The following NECAP2 variants were observed in gnomAD, a reference collection of about 807,000 sequenced individuals.
The protein encoded by NECAP2 is adaptin ear-binding coat-associated protein 2.
In NECAP2, 38 loss-of-function variants were observed where a neutral mutation model predicts 37.8. The ratio of observed to expected loss-of-function variants is 1.01; its 90% CI spans 0.78 to 1.32. NECAP2 has a LOEUF of 1.32. Ranked by LOEUF, NECAP2 falls within the 40% of genes most tolerant of loss-of-function variation. The pLI is 0.00. For synonymous variants in NECAP2, 121 were observed against 127.7 expected, an observed-to-expected ratio of 0.95 and a Z score of 0.35; for missense variants, 316 against 334.5, an observed-to-expected ratio of 0.94 and a Z score of 0.43.
intron 2 of NECAP2, among the ~76,000 whole-genome samples, chr1:16,446,042 C>G (rs975703242): frequency 1.3e-5 from 2 of 151,408 alleles, no homozygotes; most frequent in Non-Finnish European, 2.9e-5. Context: ...AACCTTGCCT[C>G]TACTAAAAAT....
At chr1:16,449,425 G>T (rs1230779039) in intron 5 of NECAP2, 1 of 507,154 alleles carries the variant, frequency 2.0e-6, no homozygotes, top group Non-Finnish European at 3.5e-6. Flanking sequence ...AACATGGCAG[G>T]AAAGGTTCCA....
chr1:16,452,774 C>CT (rs976404841), intron 6 of NECAP2, among the ~76,000 whole-genome samples: 1 of 152,034 alleles, frequency 6.6e-6, no homozygotes, highest in African/African-American at 2.4e-5. Flanking sequence ...CGCGCCCCCC[C>CT]CGCCCGCCGC....
At chr1:16,457,899 C>T (rs779584526) in intron 7 of NECAP2, among the ~76,000 whole-genome samples, 51 of 151,674 alleles carry the variant, frequency 3.4e-4, no homozygotes, top group Non-Finnish European at 5.9e-4. Context: ...TTAGTAGAGG[C>T]GGGGTTTTGC....
rs2086970723 is a variant in NECAP2 at position 16,458,972 on chromosome 1, C to T, written c.*82C>T. 1.2e-6 allele frequency: 2 copies of T among 1,610,730 alleles called. No homozygotes were observed. Among genetic ancestry groups the T allele is most frequent in the Admixed American group, 1.7e-5 (1 of 59,238 alleles). On this transcript the variant is annotated 3_prime_UTR_variant, in exon 8 of 8. Coordinates refer to ENST00000337132, the MANE Select transcript of NECAP2 (RefSeq NM_018090.5). ...AAAGGAAGGAGGACGAAGCCCTCCT[C>T]AGCTGGCCTGTGTTTGGGGCATGAA...
rs1447117175 is a variant in NECAP2 at position 16,459,631 on chromosome 1, C to T, written c.*741C>T. 6.6e-6 allele frequency: 1 copy of T among 152,244 alleles called. No individual in the cohort carries two copies. The highest frequency in any genetic ancestry group is 2.4e-5 in the African/African-American group (1 of 41,426). 9.4% of individuals were successfully genotyped at this position (152,244 alleles called of 1,614,324 possible). A position where few individuals can be genotyped will look rare whatever the true frequency, so the allele number is the denominator to read the frequency against. ...TGTCTGGTTTCCATGTATTCTAGGCCAGGTAGGCAACACAGAGCCAAGGCG... is the reference window on the plus strand; with the variant it reads ...TGTCTGGTTTCCATGTATTCTAGGCTAGGTAGGCAACACAGAGCCAAGGCG... On this transcript the variant is annotated 3_prime_UTR_variant, in exon 8 of 8. Coordinates refer to ENST00000337132, the MANE Select transcript of NECAP2 (RefSeq NM_018090.5).
At chr1:16,441,060 G>A (rs901436022) in intron 1 of NECAP2, 3 of 576,778 alleles carry the variant, frequency 5.2e-6, no homozygotes, top group Non-Finnish European at 9.3e-6. Flanking sequence ...ACTCCTGGCG[G>A]CGGGGAGGGC....
chr1:16,441,311 G>A (rs1231172061), intron 1 of NECAP2: 2 of 164,790 alleles, frequency 1.2e-5, no homozygotes, highest in African/African-American at 4.8e-5. Context: ...GACGGTCGAA[G>A]CCCAGGGACC....
chr1:16,447,264 T>C (rs1008560127), intron 2 of NECAP2, among the ~76,000 whole-genome samples: 3 of 151,244 alleles, frequency 2.0e-5, no homozygotes, highest in African/African-American at 7.3e-5. Flanking sequence ...TTTTATGTTG[T>C]GCCGCACTGT....
rs1270741375 is a variant in NECAP2, at chr1:16,460,010, C to A, written c.*1120C>A. On this transcript the variant is annotated 3_prime_UTR_variant, in exon 8 of 8. Transcript: ENST00000337132. ...TTCTTTGAAAGGTCAAGACCGTGAACTGAAAAAAGTGTTGGCCTTTTTGCG... is the reference window on the plus strand; with the variant it reads ...TTCTTTGAAAGGTCAAGACCGTGAAATGAAAAAAGTGTTGGCCTTTTTGCG... 7 of 152,160 alleles carry A rather than the reference C, an allele frequency of 4.6e-5. No homozygotes were observed. Among genetic ancestry groups the A allele is most frequent in the Admixed American group, 2.6e-4 (4 of 15,276 alleles). 9.4% of individuals were successfully genotyped at this position (152,160 alleles called of 1,614,324 possible).
At position 16,449,137 on chromosome 1, in the gene NECAP2, C is replaced by G. The variant is rs77196843; in HGVS notation, c.425C>G (p.Pro142Arg). ...GAATTTGCAAAACAAGCCCAGAACC[C>G]AGACCAAGGCCCTAAACTGGACCTG... The part of the protein sequence containing the change: ...QCEFAKQAQN[P>R]DQGPKLDLGF... The change falls in exon 5 of 8, where the codon CCA becomes CGA. Residue 142 changes from proline (P) to arginine (R), a missense_variant. By Grantham distance (103) the Pro-to-Arg change is moderately radical. This residue lies in a region of NECAP2 where 204 missense variants were observed against 188.6 expected (regional missense o/e 1.08). Coordinates refer to ENST00000337132, the MANE Select transcript of NECAP2 (RefSeq NM_018090.5). 3.4e-4 allele frequency: 548 copies of G among 1,613,600 alleles called. 1 individual carries two copies. The African/African-American group carries it at 6.3e-3, about 18-fold the overall frequency.
At chr1:16,458,735 G>A (rs2086965879) in intron 7 of NECAP2, 107 bp from the exon 8 acceptor site, 1 of 1,136,740 alleles carries the variant, frequency 8.8e-7, no homozygotes, top group Non-Finnish European at 1.3e-6. Context: ...GAACATTTAG[G>A]AACTGGCTTC....
At chr1:16,447,348 T>C (rs970957458) in intron 2 of NECAP2, among the ~76,000 whole-genome samples, 1 of 152,160 alleles carries the variant, frequency 6.6e-6, no homozygotes, top group Admixed American at 6.6e-5. Context: ...CTGTCTCAGA[T>C]TGAATTAAAT....
intron 2 of NECAP2, 80 bp downstream of exon 2, chr1:16,443,812 C>A: frequency 8.8e-7 from 1 of 1,130,996 alleles, no homozygotes; most frequent in Non-Finnish European, 1.3e-6. Context: ...TCTGGCCAGG[C>A]TGCTCAGGGG....
Position 16,440,811 on chromosome 1 carries a change from A to T in NECAP2, c.50A>T (p.His17Leu). ...ESVLCVKPDV[H>L]VYRIPPRATN... Reference sequence around the variant, plus strand: ...GTGCTCTGTGTCAAGCCTGACGTCCACGTCTACCGCATCCCTCCGCGGGCT... The same window carrying T: ...GTGCTCTGTGTCAAGCCTGACGTCCTCGTCTACCGCATCCCTCCGCGGGCT... Residue 17 changes from histidine (H) to leucine (L), a missense_variant, in exon 1 of 8, where the codon CAC becomes CTC. Coordinates refer to ENST00000337132, the MANE Select transcript of NECAP2 (RefSeq NM_018090.5). The T allele has an allele frequency of 6.2e-7, 1 of 1,614,200 alleles. No individual in the cohort carries two copies.
Position 16,451,915 on chromosome 1 carries a change from C to T in NECAP2, c.567C>T (p.Pro189=), listed in dbSNP as rs756497381. ...PASTGGLSLL[P]PPPGGKTSTL... is the part of the protein sequence containing the mutation. ...GCACAGGAGGGCTGAGCCTGCTTCC[C>T]CCTCCCCCAGGGGGGAAAACCTCCA... The change falls in exon 6 of 8, where the codon CCC becomes CCT. Residue 189 remains proline, a synonymous_variant. Transcript: ENST00000337132. 6.2e-7 allele frequency: 1 copy of T among 1,614,038 alleles called. No homozygotes were observed. Among genetic ancestry groups the T allele is most frequent in the South Asian group, 1.1e-5 (1 of 91,084 alleles).
Position 16,459,249 on chromosome 1 carries a change from G to C in NECAP2, c.*359G>C. ...AGGTTGAGTTTGCTGCCAGGATTCAGATCAGCCCTTCCCAGGGTCTGCAGG... is the reference window on the plus strand; with the variant it reads ...AGGTTGAGTTTGCTGCCAGGATTCACATCAGCCCTTCCCAGGGTCTGCAGG... On this transcript the variant is annotated 3_prime_UTR_variant, in exon 8 of 8. Coordinates refer to ENST00000337132, the MANE Select transcript of NECAP2 (RefSeq NM_018090.5). 1 of 300,818 alleles carries C rather than the reference G, an allele frequency of 3.3e-6. No individual in the cohort carries two copies. Among genetic ancestry groups the C allele is most frequent in the Non-Finnish European group, 6.2e-6 (1 of 162,162 alleles). The allele number at this position is 300,818 out of a possible 1,614,324, so 18.6% of individuals were successfully genotyped here.
rs147180435 is a variant in NECAP2 at position 16,447,824 on chromosome 1, G to T, written c.194-46G>T. ...AGTAGTGTGGTAGAAAACCTTGGCT[G>T]GAAGGGGGCTCAGGGCTCAGCGCTC... is the stretch of plus-strand genomic sequence containing the variant. On this transcript the variant is annotated intron_variant, in intron 2 of 7. Coordinates refer to ENST00000337132, the MANE Select transcript of NECAP2 (RefSeq NM_018090.5). The T allele has an allele frequency of 3.9e-6, 6 of 1,534,086 alleles. No individual in the cohort carries two copies. In the African/African-American group the frequency reaches 6.8e-5, roughly 17 times the overall value.
At chr1:16,444,094 A>T (rs1249289450) in intron 2 of NECAP2, among the ~76,000 whole-genome samples, 1 of 152,096 alleles carries the variant, frequency 6.6e-6, no homozygotes, top group Non-Finnish European at 1.5e-5. Context: ...TCTGCTTCCT[A>T]CTGAGGAATT....
intron 4 of NECAP2, 88 bp downstream of exon 4, chr1:16,448,229 G>A (rs1362735494): frequency 7.7e-7 from 1 of 1,307,106 alleles, no homozygotes; most frequent in Non-Finnish European, 1.1e-6. Flanking sequence ...CCAAGTGTTT[G>A]TGTGTGATTT....
Sources: gnomAD v4.1 joint callset for allele counts (sites outside exome capture counted in the v4.1 genomes callset) on GRCh38, gnomAD v4.1.1 for gene constraint, gnomAD v4.1.1 regional missense constraint, MANE v1.5 for transcripts, NCBI Gene and HGNC (gene_info 2026-07-23, HGNC 2026-07-21) for gene names.